The following CRTC1 variants were observed in gnomAD, a reference collection of about 807,000 sequenced individuals.
The protein encoded by CRTC1 is CREB-regulated transcription coactivator 1.
A neutral mutation model predicts 66.1 loss-of-function variants in CRTC1; 18 were observed. The ratio of observed to expected loss-of-function variants is 0.27; its 90% CI spans 0.19 to 0.40. CRTC1 has a LOEUF of 0.40. Ranked by LOEUF, CRTC1 falls within the 10% of genes least tolerant of loss-of-function variation. The pLI is 1.00. For missense variants in CRTC1, 669 were observed against 887.9 expected (o/e 0.75, Z 3.13); for synonymous variants, 416 against 398.8 (o/e 1.04, Z -0.51).
intron 1 of CRTC1, among the ~76,000 whole-genome samples, chr19:18,729,733 C>T (rs1204775608): frequency 1.3e-5 from 2 of 151,994 alleles, no homozygotes; most frequent in Admixed American, 6.6e-5. Context: ...ACAGCAAGAC[C>T]CCATCTTTAA....
chr19:18,711,226 A>T (rs2053383304), intron 1 of CRTC1, among the ~76,000 whole-genome samples: 1 of 152,010 alleles, frequency 6.6e-6, no homozygotes, highest in Admixed American at 6.5e-5. Context: ...CTTGTTTGGG[A>T]GTCGGGGAGC....
rs2055004036 is a variant in CRTC1, at chr19:18,777,020, C to T, written c.1694-151C>T. 4.9e-6 allele frequency: 3 copies of T among 614,964 alleles called. No homozygotes were observed. The highest frequency in any genetic ancestry group is 5.8e-6 in the Non-Finnish European group (2 of 343,626). The allele number at this position is 614,964 out of a possible 1,614,324, so 38.1% of individuals were successfully genotyped here. ...TGAGCAGCATCTCATGTGCTGGCCC[C>T]TCCCCCAGTCATGACAGCTGGAATG... is the stretch of plus-strand genomic sequence containing the variant. On this transcript the variant is annotated intron_variant, in intron 13 of 13. Transcript: ENST00000321949. This position sits in a 1 kb window ranked among gnomAD's most constrained non-coding sequence, Gnocchi z 5.5.
intron 10 of CRTC1, among the ~76,000 whole-genome samples, chr19:18,769,885 C>G (rs1446064659): frequency 6.6e-6 from 1 of 152,204 alleles, no homozygotes; most frequent in Non-Finnish European, 1.5e-5. Context: ...CACAGACTCA[C>G]CCAAATGAGA....
rs8102070 is a variant in CRTC1, at chr19:18,693,760, G to A, written c.126+9932G>A. 4.0e-5 allele frequency among the ~76,000 whole-genome samples: 6 copies of A among 151,676 alleles called. No individual in the cohort carries two copies. The East Asian group carries it at 5.9e-4, about 15-fold the overall frequency. On this transcript the variant is annotated intron_variant, in intron 1 of 13. Coordinates refer to ENST00000321949, the MANE Select transcript of CRTC1 (RefSeq NM_015321.3). ...CTCCCAAAGTGCTGGGATTACAGGC[G>A]TGAGCCACCATTCCCGGCCCGCTTA...
chr19:18,688,429 T>G (rs1256909656), intron 1 of CRTC1, among the ~76,000 whole-genome samples: 2 of 151,066 alleles, frequency 1.3e-5, no homozygotes, highest in African/African-American at 4.9e-5. Context: ...CTGCTTGTTT[T>G]GTTTGTTTGT....
chr19:18,736,107 C>T (rs1299332841), intron 1 of CRTC1, among the ~76,000 whole-genome samples: 5 of 152,196 alleles, frequency 3.3e-5, no homozygotes, highest in Non-Finnish European at 5.9e-5. Context: ...TTCCAGCCAG[C>T]GTGGACATGG....
chr19:18,731,258 G>A (rs569673671), intron 1 of CRTC1, among the ~76,000 whole-genome samples: 12 of 152,326 alleles, frequency 7.9e-5, no homozygotes, highest in South Asian at 2.1e-4. Context: ...AGGAGTCAGC[G>A]TGGCTGGTTC....
chr19:18,705,063 C>G (rs1357790600), intron 1 of CRTC1, among the ~76,000 whole-genome samples: 2 of 152,100 alleles, frequency 1.3e-5, no homozygotes, highest in Non-Finnish European at 2.9e-5. Flanking sequence ...TGGCTTATTT[C>G]ACTGAGCATA....
At chr19:18,776,861 C>T (rs929524133) in intron 13 of CRTC1, among the ~76,000 whole-genome samples, 6 of 152,328 alleles carry the variant, frequency 3.9e-5, no homozygotes, top group Middle Eastern at 3.4e-3. Context: ...GGGGAGGTCC[C>T]TGCCCTCGCC....
chr19:18,697,617 G>T (rs563872467), intron 1 of CRTC1, among the ~76,000 whole-genome samples: 1 of 152,324 alleles, frequency 6.6e-6, no homozygotes. Context: ...GCCCAACCTG[G>T]GAGGCCCTGC....
intron 1 of CRTC1, among the ~76,000 whole-genome samples, chr19:18,726,815 A>G (rs1182982159): frequency 6.6e-6 from 1 of 151,564 alleles, no homozygotes; most frequent in African/African-American, 2.4e-5. Flanking sequence ...AATCCCAGCT[A>G]CTTGGGAGGC....
At chr19:18,691,996 AGCCACCGCGCTCGGTCTTC>A (rs2052851862) in intron 1 of CRTC1, among the ~76,000 whole-genome samples, 1 of 152,008 alleles carries the variant, frequency 6.6e-6, no homozygotes, top group South Asian at 2.1e-4. Flanking sequence ...TACAGGTGTG[AGCCACCGCGCTCGGTCTTC>A]CCCACCCCCA....
At chr19:18,732,775 G>C (rs189070489) in intron 1 of CRTC1, among the ~76,000 whole-genome samples, 1 of 152,206 alleles carries the variant, frequency 6.6e-6, no homozygotes, top group East Asian at 1.9e-4. Flanking sequence ...TAAACCTGGG[G>C]ATACTCCAGA....
chr19:18,686,489 A>G (rs1031410973), intron 1 of CRTC1, among the ~76,000 whole-genome samples: 1 of 152,182 alleles, frequency 6.6e-6, no homozygotes, highest in African/African-American at 2.4e-5. Context: ...TCCACTAAAA[A>G]TACAAAAATT....
chr19:18,692,601 CA>C (rs36124401), intron 1 of CRTC1, among the ~76,000 whole-genome samples: 52,341 of 123,904 alleles, frequency 0.42, 10,028 homozygotes, highest in East Asian at 0.53. Context: ...AACTCTGTCT[CA>C]AAAAAAAAAA....
At chr19:18,699,478 C>G (rs1328187644) in intron 1 of CRTC1, among the ~76,000 whole-genome samples, 1 of 152,156 alleles carries the variant, frequency 6.6e-6, no homozygotes, top group Non-Finnish European at 1.5e-5. Flanking sequence ...AGTGCCTGAA[C>G]AAGAAGCACT....
At chr19:18,754,818 C>T (rs565285540) in intron 6 of CRTC1, among the ~76,000 whole-genome samples, 1 of 152,262 alleles carries the variant, frequency 6.6e-6, no homozygotes, top group Non-Finnish European at 1.5e-5. Flanking sequence ...GATGCAGCTG[C>T]ACAGATACCA....
chr19:18,695,458 C>G (rs1420148544), intron 1 of CRTC1, among the ~76,000 whole-genome samples: 1 of 152,124 alleles, frequency 6.6e-6, no homozygotes, highest in Non-Finnish European at 1.5e-5. Context: ...CACTTGGGGC[C>G]GATTCTGCCC....
chr19:18,769,863 CTT>C (rs938012343), intron 10 of CRTC1, among the ~76,000 whole-genome samples: 19 of 152,186 alleles, frequency 1.2e-4, no homozygotes, highest in Non-Finnish European at 2.6e-4. Context: ...AGGGGGGACT[CTT>C]GAGTTTTTGC....
Sources: gnomAD v4.1 joint callset for allele counts (sites outside exome capture counted in the v4.1 genomes callset) on GRCh38, gnomAD v4.1.1 for gene constraint, Gnocchi (gnomAD v3.1) non-coding constraint, MANE v1.5 for transcripts, NCBI Gene and HGNC (gene_info 2026-07-23, HGNC 2026-07-21) for gene names.